Variants in SVEP1 observed in about 807,000 individuals in gnomAD.
SVEP1 encodes sushi, von Willebrand factor type A, EGF and pentraxin domain-containing protein 1.
Under a neutral mutation model 367.3 loss-of-function variants are expected in SVEP1, and 164 were observed. The ratio of observed to expected loss-of-function variants is 0.45; its 90% CI spans 0.39 to 0.51. The LOEUF (loss-of-function observed/expected upper bound fraction) is 0.51. Ranked by LOEUF, SVEP1 falls within the 20% of genes least tolerant of loss-of-function variation. The pLI is 0.00. For missense variants in SVEP1, 4,117 were observed against 4,425.3 expected (o/e 0.93, Z 1.98); for synonymous variants, 1,666 against 1,611.6 (o/e 1.03, Z -0.81).
At chr9:110,476,838 G>T (rs1267008798) in intron 13 of SVEP1, among the ~76,000 whole-genome samples, 1 of 152,106 alleles carries the variant, frequency 6.6e-6, no homozygotes, top group South Asian at 2.1e-4. Context: ...AGGCCTGAAG[G>T]TGGAGGAAGG....
intron 36 of SVEP1, among the ~76,000 whole-genome samples, chr9:110,413,873 G>A (rs1483536329): frequency 6.6e-6 from 1 of 151,972 alleles, no homozygotes; most frequent in Non-Finnish European, 1.5e-5. Flanking sequence ...TGAAGGGTAA[G>A]GGAAATAAAA....
At chr9:110,386,817 G>C (rs916942943) in intron 42 of SVEP1, among the ~76,000 whole-genome samples, 1 of 152,230 alleles carries the variant, frequency 6.6e-6, no homozygotes, top group Non-Finnish European at 1.5e-5. Flanking sequence ...CAGTTAACAA[G>C]AGCAGTCTCA....
chr9:110,393,261 T>C (rs10739300), intron 40 of SVEP1, among the ~76,000 whole-genome samples: 99,814 of 152,078 alleles, frequency 0.66, 32,831 homozygotes, highest in Middle Eastern at 0.78. Context: ...ATCACCATTA[T>C]ATTATCATCT....
intron 40 of SVEP1, among the ~76,000 whole-genome samples, chr9:110,396,611 T>TA (rs201303803): frequency 6.2e-5 from 9 of 146,226 alleles, no homozygotes; most frequent in East Asian, 4.0e-4. Flanking sequence ...GCAAGACTAA[T>TA]AAGAAAAGAG....
rs375511563 is a variant in SVEP1 at position 110,406,700 on chromosome 9, T to C, written c.8900A>G (p.His2967Arg). 16 of 1,613,952 alleles carry C rather than the reference T, an allele frequency of 9.9e-6. No homozygotes were observed. Among genetic ancestry groups the C allele is most frequent in the South Asian group, 3.3e-5 (3 of 91,090 alleles). ...GCACTGATACTGTATATGGCCCCCA[T>C]GAATAAAGGAAAAACCATTAGGGAA... is the stretch of plus-strand genomic sequence containing the variant. Reference protein sequence around the residue: ...HGFPNGFSFIHGGHIQYQCFP... With the variant: ...HGFPNGFSFIRGGHIQYQCFP... Residue 2967 changes from histidine to arginine, a missense_variant, in exon 38 of 48, where the codon CAT becomes CGT. His to Arg is a conservative substitution (Grantham distance 29). This residue lies in a region of SVEP1 where 1,765 missense variants were observed against 1,781.1 expected (regional missense o/e 0.99). Transcript: ENST00000374469.
chr9:110,431,972 C>T lies in SVEP1; in HGVS notation c.5296G>A (p.Gly1766Arg). The change falls in exon 32 of 48, where the codon GGA (glycine) becomes AGA (arginine). Residue 1766 changes from glycine (G) to arginine (R), a missense_variant. Coordinates refer to ENST00000374469, the MANE Select transcript of SVEP1 (RefSeq NM_153366.4). Reference protein sequence around the residue: ...SEHASCLNVDGSYICSCVPPY... With the variant: ...SEHASCLNVDRSYICSCVPPY... ...GGGACACATGAACATATGTAGGATCCATCTACGTTCAGGCAAGAAGCATGC... is the reference window on the plus strand; with the variant it reads ...GGGACACATGAACATATGTAGGATCTATCTACGTTCAGGCAAGAAGCATGC... 3 of 1,613,602 alleles carry T rather than the reference C, an allele frequency of 1.9e-6. No individual in the cohort carries two copies. The highest frequency in any genetic ancestry group is 2.5e-6 in the Non-Finnish European group (3 of 1,179,700).
intron 39 of SVEP1, among the ~76,000 whole-genome samples, chr9:110,403,669 G>A (rs1827904885): frequency 1.3e-5 from 2 of 151,942 alleles, no homozygotes; most frequent in South Asian, 2.1e-4. Context: ...TCTATAATAA[G>A]ATTTCATGAC....
At position 110,471,593 on chromosome 9, in the gene SVEP1, A is replaced by G. The variant is rs1829018726; in HGVS notation, c.2769T>C (p.Ser923=). ...CATTTCTTTCATCGGGTAATGGCACACTAGCTGAGATAAAAACAAAATAAA... is the reference window on the plus strand; with the variant it reads ...CATTTCTTTCATCGGGTAATGGCACGCTAGCTGAGATAAAAACAAAATAAA... The part of the protein sequence containing the change: ...KIKLIFNITA[S]VPLPDERNDT... The change falls in exon 16 of 48, where the codon AGT becomes AGC. Residue 923 remains serine (S), a synonymous_variant. Transcript: ENST00000374469. 4.3e-6 allele frequency: 7 copies of G among 1,611,298 alleles called. No individual in the cohort carries two copies. Among genetic ancestry groups the G allele is most frequent in the Non-Finnish European group, 3.4e-6 (4 of 1,178,210 alleles).
chr9:110,481,646 A>C (rs1308650525), intron 11 of SVEP1, among the ~76,000 whole-genome samples: 1 of 152,138 alleles, frequency 6.6e-6, no homozygotes, highest in Non-Finnish European at 1.5e-5. Flanking sequence ...ACCTACGTGT[A>C]ATTAGAGGTT....
intron 40 of SVEP1, among the ~76,000 whole-genome samples, chr9:110,395,147 T>G (rs983632148): frequency 2.1e-4 from 32 of 152,348 alleles, no homozygotes; most frequent in African/African-American, 7.0e-4. Context: ...GACTAACAGC[T>G]GATCTCTCAG....
At position 110,465,937 on chromosome 9, in the gene SVEP1, G is replaced by A. The variant is rs974727885; in HGVS notation, c.3250C>T (p.Arg1084Trp). 2 of 1,612,578 alleles carry A rather than the reference G, an allele frequency of 1.2e-6. No individual in the cohort carries two copies. Among genetic ancestry groups the A allele is most frequent in the South Asian group, 1.1e-5 (1 of 90,730 alleles). Reference protein sequence around the residue: ...LGTYQPKFGSRSCLSCPENTS... With the variant: ...LGTYQPKFGSWSCLSCPENTS... ...TTTTCTGGACACGAGAGGCAGCTCC[G>A]GGAACCAAATTTTGGCTGATAAGTG... The change falls in exon 18 of 48, where the codon CGG becomes TGG. Residue 1084 changes from arginine (R) to tryptophan (W), a missense_variant. Arg to Trp is a moderately radical substitution (Grantham distance 101). This residue lies in a region of SVEP1 where 2,174 missense variants were observed against 2,494.3 expected (regional missense o/e 0.87). Transcript: ENST00000374469.
intron 23 of SVEP1, 60 bp from the exon 24 acceptor site, chr9:110,450,320 C>T: frequency 2.6e-6 from 4 of 1,530,210 alleles, no homozygotes; most frequent in Non-Finnish European, 3.6e-6. Context: ...AACACTGTAA[C>T]TAAAGTGTTG....
chr9:110,482,540 T>C (rs902949377), intron 10 of SVEP1, 48 bp from the exon 11 acceptor site: 1 of 1,545,520 alleles, frequency 6.5e-7, no homozygotes, highest in African/African-American at 1.4e-5. Flanking sequence ...TTCACAATAT[T>C]TTTTTTGAAA....
intron 3 of SVEP1, among the ~76,000 whole-genome samples, chr9:110,531,951 C>A (rs984778538): frequency 6.6e-6 from 1 of 152,102 alleles, no homozygotes; most frequent in Non-Finnish European, 1.5e-5. Context: ...TTGAACTCAG[C>A]CTTCCAGATG....
chr9:110,579,547 G>C lies in SVEP1; in HGVS notation c.-4C>G, dbSNP rs1210848522. 2 of 1,587,814 alleles carry C rather than the reference G, an allele frequency of 1.3e-6. No homozygotes were observed. Among genetic ancestry groups the C allele is most frequent in the Non-Finnish European group, 1.7e-6 (2 of 1,169,916 alleles). ...AAAAGGCCAGGCGAGGCCACATCGC[G>C]CTGGAGACAGAGCGGCTGCCCCGGA... On this transcript the variant is annotated 5_prime_UTR_variant, in exon 1 of 48. Coordinates refer to ENST00000374469, the MANE Select transcript of SVEP1 (RefSeq NM_153366.4). This position sits in a 1 kb window ranked among gnomAD's most constrained non-coding sequence, Gnocchi z 5.3.
intron 38 of SVEP1, among the ~76,000 whole-genome samples, chr9:110,405,901 G>A (rs2118487819): frequency 6.6e-6 from 1 of 152,306 alleles, no homozygotes; most frequent in East Asian, 1.9e-4. Context: ...CTTGCTGTTT[G>A]TTTCACGAAG....
Position 110,369,918 on chromosome 9 carries a change from C to T in SVEP1, c.10694+5G>A. The stretch of plus-strand genomic sequence containing the variant: ...TAGGCGAACATTAGTTTTTGGTTAT[C>T]TTACCTGGAACAGTTATGTCCCGTC... On this transcript the variant is annotated splice_donor_5th_base_variant and intron_variant, in intron 47 of 47. Coordinates refer to ENST00000374469, the MANE Select transcript of SVEP1 (RefSeq NM_153366.4). The T allele has an allele frequency of 1.2e-6, 2 of 1,610,256 alleles. No homozygotes were observed. Among genetic ancestry groups the T allele is most frequent in the South Asian group, 1.1e-5 (1 of 90,342 alleles).
At position 110,511,272 on chromosome 9, in the gene SVEP1, T is replaced by C. The variant is rs188379529; in HGVS notation, c.1303+1654A>G. On this transcript the variant is annotated intron_variant, in intron 5 of 47. Coordinates refer to ENST00000374469, the MANE Select transcript of SVEP1 (RefSeq NM_153366.4). ...TTCAAAATTTCAGCTCAGGGATATA[T>C]CTTTAGATCTTCTACTGGTGCATCT... Among the ~76,000 whole-genome samples the C allele has an allele frequency of 1.2e-4, 18 of 152,292 alleles. No homozygotes were observed. In the East Asian group the frequency reaches 3.3e-3, roughly 28 times the overall value.
At chr9:110,392,050 C>T (rs956484717) in intron 40 of SVEP1, among the ~76,000 whole-genome samples, 3 of 151,268 alleles carry the variant, frequency 2.0e-5, no homozygotes, top group East Asian at 1.9e-4. Context: ...GACTGAATTA[C>T]ACCACCAGCT....
Sources: gnomAD v4.1 joint callset for allele counts (sites outside exome capture counted in the v4.1 genomes callset) on GRCh38, gnomAD v4.1.1 for gene constraint, gnomAD v4.1.1 regional missense constraint, Gnocchi (gnomAD v3.1) non-coding constraint, MANE v1.5 for transcripts, NCBI Gene and HGNC (gene_info 2026-07-23, HGNC 2026-07-21) for gene names.